Variants in HIVEP3 observed in about 807,000 individuals in gnomAD.
The protein encoded by HIVEP3 is HIVEP zinc finger 3, also known as transcription factor HIVEP3.
Under a neutral mutation model 152.8 loss-of-function variants are expected in HIVEP3, and 49 were observed. The observed-to-expected ratio is 0.32, with a 90% CI of 0.26 to 0.41. The LOEUF (loss-of-function observed/expected upper bound fraction) is 0.41, where lower values mean the gene tolerates loss of function less well. Among genes scored for constraint, HIVEP3 ranks in the 10% least tolerant of loss-of-function variants. The pLI, the probability that HIVEP3 is intolerant of heterozygous loss-of-function variation, is 1.00. For synonymous variants in HIVEP3, 1,269 were observed against 1,289.0 expected, an observed-to-expected ratio of 0.98 and a Z score of 0.33; for missense variants, 2,790 against 3,103.3, an observed-to-expected ratio of 0.90 and a Z score of 2.40.
At chr1:41,801,934 TG>T (rs1190107846) in intron 1 of HIVEP3, among the ~76,000 whole-genome samples, 2 of 150,932 alleles carry the variant, frequency 1.3e-5, no homozygotes, top group Non-Finnish European at 3.0e-5. Context: ...TGTCAAGGAG[TG>T]GGGGGCAGGG....
chr1:41,974,350 G>C (rs12085467), intron 1 of HIVEP3, among the ~76,000 whole-genome samples: 5,154 of 151,756 alleles, frequency 0.034, 323 homozygotes, highest in African/African-American at 0.12. Flanking sequence ...CTTCCCTCCC[G>C]TTCCTGTCCA....
intron 1 of HIVEP3, among the ~76,000 whole-genome samples, chr1:41,899,609 C>T (rs1345652548): frequency 1.3e-5 from 2 of 152,022 alleles, no homozygotes; most frequent in Admixed American, 6.6e-5. Flanking sequence ...GGTTTCACCA[C>T]GTTGGCCGGG....
intron 2 of HIVEP3, among the ~76,000 whole-genome samples, chr1:41,637,390 T>C (rs930668523): frequency 6.6e-6 from 1 of 152,224 alleles, no homozygotes. Context: ...TGTCTATGTA[T>C]CAAGCTTTGT....
rs567908408 is a variant in HIVEP3 at position 41,746,845 on chromosome 1, G to A, written c.-800-45850C>T. On this transcript the variant is annotated intron_variant, in intron 1 of 8. Transcript: ENST00000372583. ...GGCTGCCACTATCACTATCTCAGCC[G>A]TGGGCCAGCCCTCAGGTAACGGCTG... is the stretch of plus-strand genomic sequence containing the variant. Among the ~76,000 whole-genome samples, 268 of 152,286 alleles carry A rather than the reference G, an allele frequency of 1.8e-3. 3 individuals carry two copies. Among genetic ancestry groups the A allele is most frequent in the African/African-American group, 6.2e-3 (259 of 41,546 alleles).
chr1:41,938,040 T>G (rs1368455075), intron 1 of HIVEP3, among the ~76,000 whole-genome samples: 1 of 152,350 alleles, frequency 6.6e-6, no homozygotes, highest in Non-Finnish European at 1.5e-5. Flanking sequence ...TGCCAAAGTC[T>G]TCTTCTCCTG....
intron 1 of HIVEP3, among the ~76,000 whole-genome samples, chr1:41,729,875 C>T (rs1205987389): frequency 3.3e-5 from 5 of 152,118 alleles, no homozygotes; most frequent in South Asian, 4.1e-4. Context: ...TGTGAGTTTC[C>T]GGTTCCCTCT....
intron 2 of HIVEP3, among the ~76,000 whole-genome samples, chr1:41,698,125 A>G (rs1410445312): frequency 1.3e-5 from 2 of 152,174 alleles, no homozygotes; most frequent in Non-Finnish European, 2.9e-5. Context: ...AGTGCTCAAT[A>G]AACCTCAGTT....
Position 41,510,797 on chromosome 1 carries a change from G to A in HIVEP3, c.6875C>T (p.Thr2292Ile), listed in dbSNP as rs1399031111. ...GGGPGRPPDW[T>I]PHGTGAPAEP... ...TGCAGGTGCCCCGGTCCCATGGGGTGTCCAGTCAGGAGGCCTGCCCGGGCC... is the reference window on the plus strand; with the variant it reads ...TGCAGGTGCCCCGGTCCCATGGGGTATCCAGTCAGGAGGCCTGCCCGGGCC... Residue 2292 changes from threonine (T) to isoleucine (I), a missense_variant, in exon 9 of 9, where the codon ACA becomes ATA. Transcript: ENST00000372583. 5.6e-6 allele frequency: 9 copies of A among 1,611,076 alleles called. No individual in the cohort carries two copies. The highest frequency in any genetic ancestry group is 7.6e-6 in the Non-Finnish European group (9 of 1,179,232).
In HIVEP3 at chr1:41,580,620, G is replaced by A; in HGVS notation, c.4178C>T (p.Thr1393Ile). The A allele has an allele frequency of 6.2e-7, 1 of 1,614,180 alleles. No homozygotes were observed. Among genetic ancestry groups the A allele is most frequent in the South Asian group, 1.1e-5 (1 of 91,084 alleles). ...TGTCACAGGCACTCTCAGGTATGGA[G>A]TTGGGAAAGCTCTGCTTTGCTCTTC... is the stretch of plus-strand genomic sequence containing the variant. ...LSEEQSRAFP[T>I]PYLRVPVTLP... The change falls in exon 4 of 9, where the codon ACT (threonine) becomes ATT (isoleucine). Residue 1393 changes from threonine to isoleucine, a missense_variant. Thr to Ile is a moderately conservative substitution (Grantham distance 89). This residue lies in a region of HIVEP3 where 1,078 missense variants were observed against 1,165.3 expected (regional missense o/e 0.93). Transcript: ENST00000372583.
chr1:41,646,696 G>A (rs1347112863), intron 2 of HIVEP3, among the ~76,000 whole-genome samples: 1 of 152,194 alleles, frequency 6.6e-6, no homozygotes, highest in African/African-American at 2.4e-5. Context: ...GCACTCCAAG[G>A]ACCTCTTCCC....
rs541358400 is a variant in HIVEP3, at chr1:41,532,079, G to A, written c.5208-7169C>T. Among the ~76,000 whole-genome samples the A allele has an allele frequency of 1.4e-4, 20 of 143,440 alleles. 1 individual carries two copies. In the South Asian group the frequency reaches 4.5e-3, roughly 32 times the overall value. The allele number at this position is 143,440 out of a possible 152,430, so 94.1% of individuals were successfully genotyped here. ...GGAGGACAGGGGAGATGGAGGACAG[G>A]AGAGATGGAAGACGGGAGAGAGAGG... On this transcript the variant is annotated intron_variant, in intron 5 of 8. Coordinates refer to ENST00000372583, the MANE Select transcript of HIVEP3 (RefSeq NM_024503.5).
intron 3 of HIVEP3, among the ~76,000 whole-genome samples, chr1:41,624,060 A>C (rs776841874): frequency 2.9e-4 from 44 of 152,184 alleles, no homozygotes; most frequent in Non-Finnish European, 1.5e-4. Context: ...AGACTTCCCA[A>C]GCCTCAGCAG....
Position 41,790,811 on chromosome 1 carries a change from T to C in HIVEP3, c.-800-89816A>G, listed in dbSNP as rs11210528. On this transcript the variant is annotated intron_variant, in intron 1 of 8. Transcript: ENST00000372583. ...TTCCCATCAAGCCAACTTTATCTCC[T>C]TGGTCCCTAACACTTGTCCTAGCAT... 3.8e-3 allele frequency among the ~76,000 whole-genome samples: 586 copies of C among 152,220 alleles called. 3 individuals carry two copies. Among genetic ancestry groups the C allele is most frequent in the African/African-American group, 0.013 (535 of 41,542 alleles).
intron 1 of HIVEP3, among the ~76,000 whole-genome samples, chr1:41,717,035 G>T (rs7533076): frequency 0.071 from 10,849 of 152,238 alleles, 1,312 homozygotes; most frequent in African/African-American, 0.24. Context: ...TCTCTTTTGG[G>T]GAGAGCTGGT....
At chr1:41,690,884 C>T (rs1487704617) in intron 2 of HIVEP3, among the ~76,000 whole-genome samples, 2 of 152,204 alleles carry the variant, frequency 1.3e-5, no homozygotes, top group East Asian at 3.8e-4. Context: ...CTCCATTGCA[C>T]TCCAGCCTGG....
At chr1:41,896,577 CT>C (rs35154367) in intron 1 of HIVEP3, among the ~76,000 whole-genome samples, 15,489 of 141,166 alleles carry the variant, frequency 0.11, 1,695 homozygotes, top group African/African-American at 0.3. Context: ...CTTTTCTTTT[CT>C]TTTTTTTTTT....
chr1:41,855,568 C>T lies in HIVEP3; in HGVS notation c.-801+62845G>A, dbSNP rs1408864756. 3.3e-5 allele frequency among the ~76,000 whole-genome samples: 5 copies of T among 152,204 alleles called. No homozygotes were observed. The East Asian group carries it at 9.6e-4, about 29-fold the overall frequency. Reference sequence around the variant, plus strand: ...ACATGAACAGACACTTCTTGCTGCACTTTTAAAACCTGCTTCCAAACTCAC... The same window carrying T: ...ACATGAACAGACACTTCTTGCTGCATTTTTAAAACCTGCTTCCAAACTCAC... On this transcript the variant is annotated intron_variant, in intron 1 of 8. Transcript: ENST00000372583.
chr1:41,575,185 A>G (rs1246025226), intron 5 of HIVEP3, among the ~76,000 whole-genome samples: 2 of 152,216 alleles, frequency 1.3e-5, no homozygotes, highest in Admixed American at 6.5e-5. Flanking sequence ...TGGAGAATAC[A>G]TGTCAAGAGA....
chr1:41,818,391 G>C (rs911209963), intron 1 of HIVEP3, among the ~76,000 whole-genome samples: 1 of 152,206 alleles, frequency 6.6e-6, no homozygotes, highest in African/African-American at 2.4e-5. Context: ...CTGGAAAACA[G>C]TCTGCAGTAT....
Sources: allele counts gnomAD v4.1 joint callset (sites outside exome capture counted in the v4.1 genomes callset), GRCh38; gene constraint gnomAD v4.1.1; regional missense constraint gnomAD v4.1.1; transcripts MANE v1.5; gene names NCBI Gene and HGNC (gene_info 2026-07-23, HGNC 2026-07-21).